Variants in ZDHHC21 observed in about 807,000 individuals in gnomAD.
The protein encoded by ZDHHC21 is zDHHC palmitoyltransferase 21.
ZDHHC21 carries 15 observed loss-of-function variants against 34.6 expected under a neutral mutation model. That is an observed-to-expected ratio of 0.43 (90% CI 0.29 to 0.67). ZDHHC21 has a LOEUF of 0.67. Ranked by LOEUF, ZDHHC21 falls within the 30% of genes least tolerant of loss-of-function variation. The pLI is 0.14. For synonymous variants in ZDHHC21, 142 were observed against 101.8 expected (o/e 1.40, Z -2.38); for missense variants, 344 against 327.7 (o/e 1.05, Z -0.38).
chr9:14,666,543 T>C (rs1587318432), intron 5 of ZDHHC21, among the ~76,000 whole-genome samples: 1 of 99,480 alleles, frequency 1.0e-5, no homozygotes, highest in African/African-American at 3.3e-5. Flanking sequence ...CAACAGAATA[T>C]ACATTTTTTT....
intron 8 of ZDHHC21, among the ~76,000 whole-genome samples, chr9:14,633,852 G>T (rs1333292231): frequency 6.6e-6 from 1 of 152,148 alleles, no homozygotes; most frequent in Non-Finnish European, 1.5e-5. Flanking sequence ...GCCACTGAAA[G>T]CAACCCCGTC....
intron 7 of ZDHHC21, among the ~76,000 whole-genome samples, chr9:14,655,118 A>G (rs933610081): frequency 1.3e-5 from 2 of 152,172 alleles, no homozygotes; most frequent in Admixed American, 6.5e-5. Context: ...AAAAACAGCT[A>G]AAGAAAAACA....
intron 8 of ZDHHC21, among the ~76,000 whole-genome samples, chr9:14,632,991 T>C (rs769016110): frequency 1.3e-5 from 2 of 152,186 alleles, no homozygotes; most frequent in Non-Finnish European, 2.9e-5. Context: ...GCAGCAACTT[T>C]AGAAAAACAG....
chr9:14,662,731 A>T (rs561617765), intron 5 of ZDHHC21, among the ~76,000 whole-genome samples: 9 of 152,238 alleles, frequency 5.9e-5, no homozygotes, highest in Non-Finnish European at 1.3e-4. Flanking sequence ...TCTAAAGAAG[A>T]AATAATGCTG....
rs1000535826 is a variant in ZDHHC21 at position 14,612,491 on chromosome 9, T to C, written c.*6475A>G. 1.3e-5 allele frequency: 2 copies of C among 151,988 alleles called. No individual in the cohort carries two copies. Among genetic ancestry groups the C allele is most frequent in the African/African-American group, 4.8e-5 (2 of 41,426 alleles). The allele number at this position is 151,988 out of a possible 1,614,324, so 9.4% of individuals were successfully genotyped here. On this transcript the variant is annotated 3_prime_UTR_variant, in exon 10 of 10. Transcript: ENST00000380916. ...AATTACATTTCAAAGGTGTTTTAAATTACGAGTACACTTAAAGGGTGTTTC... is the reference window on the plus strand; with the variant it reads ...AATTACATTTCAAAGGTGTTTTAAACTACGAGTACACTTAAAGGGTGTTTC...
At chr9:14,638,364 C>T (rs1828685135) in intron 8 of ZDHHC21, among the ~76,000 whole-genome samples, 1 of 151,764 alleles carries the variant, frequency 6.6e-6, no homozygotes, top group South Asian at 2.1e-4. Flanking sequence ...GAAACTGGAC[C>T]CCATTTCTCA....
intron 7 of ZDHHC21, among the ~76,000 whole-genome samples, chr9:14,648,506 G>A (rs536455565): frequency 2.0e-5 from 3 of 152,028 alleles, no homozygotes; most frequent in African/African-American, 7.2e-5. Context: ...TCTCCCTACT[G>A]TTCCTTGAGA....
At chr9:14,595,382 C>G in the ZDHHC21 span, among the ~76,000 whole-genome samples, 2 of 152,120 alleles carry the variant, frequency 1.3e-5, no homozygotes, top group African/African-American at 4.8e-5. Flanking sequence ...CTCAAAAACA[C>G]TACATTAAGT....
rs930587367 is a variant in ZDHHC21, at chr9:14,639,964, A to C, written c.553T>G (p.Phe185Val). Residue 185 changes from phenylalanine to valine, a missense_variant, in exon 8 of 10, where the codon TTT becomes GTT. Physicochemically the swap from Phe to Val is conservative, Grantham distance 50. Transcript: ENST00000380916. ...HELAIMRLAA[F>V]MGITMLVGIT... ...CCAACTAACATAGTAATGCCCATAA[A>C]GGCTGCTAGTCTCATTATGGCCAAT... 6.2e-7 allele frequency: 1 copy of C among 1,609,968 alleles called. No homozygotes were observed. The highest frequency in any genetic ancestry group is 8.5e-7 in the Non-Finnish European group (1 of 1,177,654).
rs957239373 is a variant in ZDHHC21, at chr9:14,665,605, C to T, written c.254-3279G>A. On this transcript the variant is annotated intron_variant, in intron 5 of 9. Transcript: ENST00000380916. ...GTTAAGGGCAGCCAGAGAGAAAGGT[C>T]GGGTTACCCTCAAAGGGAAGCCCAT... 8.1e-4 allele frequency among the ~76,000 whole-genome samples: 118 copies of T among 146,120 alleles called. 1 individual carries two copies. Among genetic ancestry groups the T allele is most frequent in the African/African-American group, 2.7e-3 (107 of 39,818 alleles).
intron 8 of ZDHHC21, among the ~76,000 whole-genome samples, chr9:14,631,506 G>C (rs997337434): frequency 6.6e-6 from 1 of 152,132 alleles, no homozygotes; most frequent in Non-Finnish European, 1.5e-5. Flanking sequence ...CTGTGAAGTA[G>C]CATTTTAAAT....
In ZDHHC21 at chr9:14,612,764, A is replaced by G. The variant is rs568997522; in HGVS notation, c.*6202T>C. 10 of 151,716 alleles carry G rather than the reference A, an allele frequency of 6.6e-5. No homozygotes were observed. In the East Asian group the frequency reaches 1.9e-3, roughly 29 times the overall value. The allele number at this position is 151,716 out of a possible 1,614,324, so 9.4% of individuals were successfully genotyped here. On this transcript the variant is annotated 3_prime_UTR_variant, in exon 10 of 10. Coordinates refer to ENST00000380916, the MANE Select transcript of ZDHHC21 (RefSeq NM_178566.6). ...TCTACACACACATATGTACACATAC[A>G]TATATTTTAAAGGTGTTCTGTTATC...
Position 14,614,693 on chromosome 9 carries a change from T to A in ZDHHC21, c.*4273A>T, listed in dbSNP as rs1370568724. On this transcript the variant is annotated 3_prime_UTR_variant, in exon 10 of 10. Coordinates refer to ENST00000380916, the MANE Select transcript of ZDHHC21 (RefSeq NM_178566.6). Reference sequence around the variant, plus strand: ...CAAACTTGGGCATTAAATAACACATTCATTAATCATACAGTTAATACTAGC... The same window carrying A: ...CAAACTTGGGCATTAAATAACACATACATTAATCATACAGTTAATACTAGC... 2.0e-5 allele frequency: 3 copies of A among 151,722 alleles called. No individual in the cohort carries two copies. The allele number at this position is 151,722 out of a possible 1,614,324, so 9.4% of individuals were successfully genotyped here.
At chr9:14,690,503 A>G in intron 1 of ZDHHC21, 118 bp from the exon 2 acceptor site, 1 of 377,026 alleles carries the variant, frequency 2.7e-6, no homozygotes, top group South Asian at 2.1e-5. Flanking sequence ...ATTTTACCCA[A>G]CCTGCCCTTT....
intron 8 of ZDHHC21, among the ~76,000 whole-genome samples, chr9:14,635,121 C>T (rs1334422439): frequency 3.3e-5 from 5 of 151,690 alleles, no homozygotes; most frequent in Non-Finnish European, 7.4e-5. Flanking sequence ...TTTAAATAAC[C>T]CAGTCTGACA....
At chr9:14,620,363 A>T (rs1445927938) in intron 8 of ZDHHC21, among the ~76,000 whole-genome samples, 1 of 152,060 alleles carries the variant, frequency 6.6e-6, no homozygotes, top group East Asian at 1.9e-4. Flanking sequence ...ACTTATCATT[A>T]GACTGGCAAA....
intron 5 of ZDHHC21, among the ~76,000 whole-genome samples, chr9:14,670,025 A>C (rs1196411145): frequency 6.6e-6 from 1 of 152,024 alleles, no homozygotes; most frequent in East Asian, 1.9e-4. Flanking sequence ...ATAAACAAAA[A>C]AAAACAAAAC....
chr9:14,607,564 A>G (rs1282473924), downstream of ZDHHC21, among the ~76,000 whole-genome samples: 1 of 140,118 alleles, frequency 7.1e-6, no homozygotes, highest in African/African-American at 2.7e-5. Context: ...GGGAGTGAAG[A>G]TTTTGGTAAC....
chr9:14,655,476 G>A (rs897734324), intron 7 of ZDHHC21, among the ~76,000 whole-genome samples: 2 of 151,962 alleles, frequency 1.3e-5, no homozygotes, highest in South Asian at 2.1e-4. Flanking sequence ...AACACATAAT[G>A]TATATGTAAC....
Sources: allele counts gnomAD v4.1 joint callset (sites outside exome capture counted in the v4.1 genomes callset), GRCh38; gene constraint gnomAD v4.1.1; transcripts MANE v1.5; gene names NCBI Gene and HGNC (gene_info 2026-07-23, HGNC 2026-07-21).